The following SGCD variants were observed in gnomAD, a reference collection of about 807,000 sequenced individuals.
SGCD encodes sarcoglycan delta.
Under a neutral mutation model 36.6 loss-of-function variants are expected in SGCD, and 18 were observed. That is an observed-to-expected ratio of 0.49 (90% confidence interval 0.34 to 0.73). The LOEUF (loss-of-function observed/expected upper bound fraction) is 0.73, where lower values mean the gene tolerates loss of function less well. Ranked by LOEUF, SGCD falls within the 30% of genes least tolerant of loss-of-function variation. The pLI is 0.01. For missense variants in SGCD, 387 were observed against 346.7 expected, an observed-to-expected ratio of 1.12 and a Z score of -0.92; for synonymous variants, 133 against 130.6, an observed-to-expected ratio of 1.02 and a Z score of -0.12.
chr5:156,111,767 T>C (rs1347148554), intron 1 of SGCD, among the ~76,000 whole-genome samples: 1 of 149,738 alleles, frequency 6.7e-6, no homozygotes, highest in African/African-American at 2.5e-5. Flanking sequence ...TTAAAAGCAG[T>C]GATAGAGGTG....
At chr5:156,260,778 A>C in intron 3 of SGCD, among the ~76,000 whole-genome samples, 1 of 152,116 alleles carries the variant, frequency 6.6e-6, no homozygotes, top group East Asian at 1.9e-4. Context: ...TCTTAAGAGT[A>C]TTTGGTTTTC....
At chr5:156,321,545 C>A (rs988544418) in intron 3 of SGCD, among the ~76,000 whole-genome samples, 1 of 152,134 alleles carries the variant, frequency 6.6e-6, no homozygotes, top group African/African-American at 2.4e-5. Flanking sequence ...ATCTACCCAC[C>A]ACCTTTTCTC....
intron 1 of SGCD, among the ~76,000 whole-genome samples, chr5:155,975,090 A>G (rs1758082621): frequency 6.6e-6 from 1 of 152,192 alleles, no homozygotes; most frequent in South Asian, 2.1e-4. Flanking sequence ...ATGATGAATG[A>G]AGAAGAGCTG....
At chr5:156,538,801 G>A (rs1308097089) in intron 4 of SGCD, among the ~76,000 whole-genome samples, 1 of 151,964 alleles carries the variant, frequency 6.6e-6, no homozygotes. Flanking sequence ...GTGATATCTT[G>A]CCCTACCTCA....
intron 3 of SGCD, among the ~76,000 whole-genome samples, chr5:156,308,221 G>A (rs1030002824): frequency 2.6e-5 from 4 of 152,062 alleles, no homozygotes; most frequent in African/African-American, 7.2e-5. Context: ...ACTTACAATC[G>A]TGGCGGAGGG....
rs1160670010 is a variant in SGCD, at chr5:156,423,424, TA to T, written c.192+78749del. ...TATTATAATATAATATATTATATTT[TA>T]ATAAAATATAATATATTTATTTTAT... is the stretch of plus-strand genomic sequence containing the variant. On this transcript the variant is annotated intron_variant, in intron 3 of 8. Coordinates refer to ENST00000337851, the MANE Select transcript of SGCD (RefSeq NM_000337.6). 3.6e-4 allele frequency among the ~76,000 whole-genome samples: 41 copies of T among 114,680 alleles called. 1 individual carries two copies. In the East Asian group the frequency reaches 4.6e-3, roughly 13 times the overall value. 75.2% of individuals were successfully genotyped at this position (114,680 alleles called of 152,430 possible).
chr5:156,403,922 C>T (rs1039530091), intron 3 of SGCD, among the ~76,000 whole-genome samples: 12 of 152,038 alleles, frequency 7.9e-5, no homozygotes, highest in African/African-American at 2.7e-4. Context: ...CAACTCCCAC[C>T]TCCCAGGTTT....
chr5:156,394,041 A>G (rs1477381644), intron 3 of SGCD, among the ~76,000 whole-genome samples: 2 of 152,238 alleles, frequency 1.3e-5, no homozygotes, highest in African/African-American at 4.8e-5. Context: ...GAGTCAGACA[A>G]GTAAGTCTCA....
At chr5:156,113,048 G>A (rs188051268) in intron 1 of SGCD, among the ~76,000 whole-genome samples, 4 of 152,180 alleles carry the variant, frequency 2.6e-5, no homozygotes, top group African/African-American at 7.2e-5. Flanking sequence ...TCAACTTTAC[G>A]TGCATAGCAA....
chr5:156,190,611 A>G (rs189855571), intron 3 of SGCD, among the ~76,000 whole-genome samples: 10 of 152,300 alleles, frequency 6.6e-5, no homozygotes, highest in Non-Finnish European at 8.8e-5. Context: ...AATAAAATGG[A>G]CAAAAATATC....
intron 1 of SGCD, among the ~76,000 whole-genome samples, chr5:156,069,598 G>T (rs1760469473): frequency 6.6e-6 from 1 of 151,996 alleles, no homozygotes; most frequent in African/African-American, 2.4e-5. Flanking sequence ...GATTGACTTG[G>T]CAATGCGGGC....
chr5:155,955,492 C>G (rs1757632264), intron 1 of SGCD, among the ~76,000 whole-genome samples: 2 of 152,106 alleles, frequency 1.3e-5, no homozygotes, highest in South Asian at 4.1e-4. Context: ...CTAATGTTAT[C>G]TATGCAAACA....
chr5:156,030,587 C>T (rs1337129363), intron 1 of SGCD, among the ~76,000 whole-genome samples: 2 of 152,168 alleles, frequency 1.3e-5, no homozygotes, highest in African/African-American at 4.8e-5. Context: ...AGTTTATGGT[C>T]ATTTTTTATA....
intron 1 of SGCD, among the ~76,000 whole-genome samples, chr5:156,023,423 T>C (rs768722152): frequency 1.3e-5 from 2 of 152,224 alleles, no homozygotes; most frequent in South Asian, 2.1e-4. Flanking sequence ...CTCTGAGAGT[T>C]CAGGAACTTT....
chr5:155,736,251 A>G, the SGCD span, among the ~76,000 whole-genome samples: 5 of 152,228 alleles, frequency 3.3e-5, no homozygotes, highest in African/African-American at 1.2e-4. Context: ...ACAAGGCAGA[A>G]GAAATATCTC....
chr5:156,340,163 T>G (rs761454145), intron 2 of SGCD, among the ~76,000 whole-genome samples: 1 of 152,246 alleles, frequency 6.6e-6, no homozygotes, highest in Admixed American at 6.5e-5. Flanking sequence ...CATTTATGAT[T>G]ATATATGCCA....
At chr5:156,740,957 C>G (rs1034205019) in intron 7 of SGCD, among the ~76,000 whole-genome samples, 1 of 152,152 alleles carries the variant, frequency 6.6e-6, no homozygotes, top group Non-Finnish European at 1.5e-5. Flanking sequence ...CCCTTTCAGT[C>G]ATAACTTTCT....
At chr5:156,396,067 A>G (rs1327177078) in intron 3 of SGCD, among the ~76,000 whole-genome samples, 6 of 152,226 alleles carry the variant, frequency 3.9e-5, no homozygotes, top group East Asian at 3.8e-4. Flanking sequence ...ACTGAAGTCA[A>G]GCTACCTGGG....
chr5:156,672,867 G>A (rs929895268), intron 7 of SGCD, among the ~76,000 whole-genome samples: 67 of 152,062 alleles, frequency 4.4e-4, no homozygotes, highest in Admixed American at 1.5e-3. Flanking sequence ...TTATGTTGCC[G>A]TTCTCTTTTC....
Sources: allele counts gnomAD v4.1 joint callset (sites outside exome capture counted in the v4.1 genomes callset), GRCh38; gene constraint gnomAD v4.1.1; transcripts MANE v1.5; gene names NCBI Gene and HGNC (gene_info 2026-07-23, HGNC 2026-07-21).